Variants in TNFAIP8 observed in about 807,000 individuals in gnomAD.
The protein encoded by TNFAIP8 is tumor necrosis factor alpha-induced protein 8.
A neutral mutation model predicts 13.3 loss-of-function variants in TNFAIP8; 7 were observed. The ratio of observed to expected loss-of-function variants is 0.52; its 90% CI spans 0.30 to 0.99. The LOEUF (loss-of-function observed/expected upper bound fraction) is 0.99, where lower values mean the gene tolerates loss of function less well. Among genes scored for constraint, TNFAIP8 ranks in the 50% least tolerant of loss-of-function variants. TNFAIP8 has a pLI of 0.07. For missense variants in TNFAIP8, 258 were observed against 236.9 expected, an observed-to-expected ratio of 1.09 and a Z score of -0.58; for synonymous variants, 94 against 87.6, an observed-to-expected ratio of 1.07 and a Z score of -0.41.
chr5:119,353,333 G>A (rs1198661675), upstream of TNFAIP8, among the ~76,000 whole-genome samples: 1 of 152,216 alleles, frequency 6.6e-6, no homozygotes, highest in Non-Finnish European at 1.5e-5. Flanking sequence ...ATATCTGAGA[G>A]CAGCAGAAGG....
intron 1 of TNFAIP8, among the ~76,000 whole-genome samples, chr5:119,323,164 G>A (rs1051645428): frequency 3.9e-5 from 6 of 152,112 alleles, no homozygotes; most frequent in East Asian, 1.9e-4. Context: ...AAGGGCAGTT[G>A]CACCCCCTAC....
chr5:119,301,844 C>A (rs1749405065), intron 1 of TNFAIP8, among the ~76,000 whole-genome samples: 1 of 152,166 alleles, frequency 6.6e-6, no homozygotes, highest in Non-Finnish European at 1.5e-5. Context: ...AACCCAGATA[C>A]TGAGGATATT....
chr5:119,322,628 A>T (rs1006111663), intron 1 of TNFAIP8, among the ~76,000 whole-genome samples: 2 of 151,980 alleles, frequency 1.3e-5, no homozygotes, highest in African/African-American at 2.4e-5. Flanking sequence ...TCCATAATCC[A>T]CTTTCCTGAT....
At chr5:119,291,286 A>ATAAC (rs1213701081) in intron 1 of TNFAIP8, among the ~76,000 whole-genome samples, 4 of 152,238 alleles carry the variant, frequency 2.6e-5, no homozygotes, top group Admixed American at 6.5e-5. Context: ...TGGGTGCCCA[A>ATAAC]TAACTACCTG....
chr5:119,350,172 T>A (rs1358606191), intron 1 of TNFAIP8, among the ~76,000 whole-genome samples: 1 of 152,170 alleles, frequency 6.6e-6, no homozygotes, highest in Non-Finnish European at 1.5e-5. Flanking sequence ...GGATTTGGCA[T>A]CTGTGGATTC....
chr5:119,303,678 G>A (rs1749462125), intron 1 of TNFAIP8, among the ~76,000 whole-genome samples: 1 of 152,208 alleles, frequency 6.6e-6, no homozygotes, highest in African/African-American at 2.4e-5. Context: ...GAAGTTTCAT[G>A]CAGTAACCAT....
chr5:119,292,948 C>CT lies in TNFAIP8; in HGVS notation c.1+24049dup, dbSNP rs796893070. ...TGTGGGATGATGAAATGTTCTTCTT[C>CT]TTTTTTTTAAAAAAATAGTATTTAT... On this transcript the variant is annotated intron_variant, in intron 1 of 1. Coordinates refer to the TNFAIP8 transcript ENST00000274456. Among the ~76,000 whole-genome samples the CT allele has an allele frequency of 1.4e-3, 205 of 151,318 alleles. 3 individuals are homozygous for CT. Among genetic ancestry groups the CT allele is most frequent in the Non-Finnish European group, 3.4e-4 (23 of 67,750 alleles).
chr5:119,359,150 T>G (rs552783001), intron 1 of TNFAIP8, among the ~76,000 whole-genome samples: 14 of 152,272 alleles, frequency 9.2e-5, no homozygotes, highest in African/African-American at 2.9e-4. Context: ...TGCCCCGCCT[T>G]CCACCTTGGG....
intron 1 of TNFAIP8, among the ~76,000 whole-genome samples, chr5:119,348,537 C>A (rs978213739): frequency 3.9e-5 from 6 of 152,220 alleles, no homozygotes; most frequent in African/African-American, 9.6e-5. Flanking sequence ...GGATGAATGT[C>A]TGTTGCCGGT....
chr5:119,352,706 A>T (rs953180826), upstream of TNFAIP8, among the ~76,000 whole-genome samples: 1 of 152,058 alleles, frequency 6.6e-6, no homozygotes, highest in Non-Finnish European at 1.5e-5. Context: ...TCAGGCCTTT[A>T]AAAAAAACTC....
In TNFAIP8 at chr5:119,392,838, C is replaced by A; in HGVS notation, c.54C>A (p.Ser18=). The A allele has an allele frequency of 6.5e-7, 1 of 1,545,960 alleles. No individual in the cohort carries two copies. Residue 18 remains serine, a synonymous_variant, in exon 2 of 2, where the codon TCC becomes TCA. Transcript: ENST00000504771. The part of the protein sequence containing the change: ...SKEVATDVFN[S]KNLAVQAQKK... ...TAGTGGCCACAGATGTCTTTAATTC[C>A]AAAAACCTGGCCGTTCAGGCACAAA...
At chr5:119,270,878 A>T (rs543758101) in intron 1 of TNFAIP8, among the ~76,000 whole-genome samples, 10 of 152,360 alleles carry the variant, frequency 6.6e-5, no homozygotes, top group African/African-American at 2.4e-4. Flanking sequence ...CCAAAAGCAT[A>T]GTGATCCTGC....
intron 1 of TNFAIP8, among the ~76,000 whole-genome samples, chr5:119,278,353 GAGAGAGA>G (rs1218694117): frequency 3.4e-5 from 4 of 116,006 alleles, no homozygotes; most frequent in African/African-American, 1.4e-4. Flanking sequence ...CAGGAAGGGG[GAGAGAGA>G]GAGAGAGAGA....
Position 119,397,311 on chromosome 5 carries a change from G to A in TNFAIP8, c.*3930G>A, listed in dbSNP as rs1352365533. 6.6e-6 allele frequency: 1 copy of A among 152,132 alleles called. No individual in the cohort carries two copies. 9.4% of individuals were successfully genotyped at this position (152,132 alleles called of 1,614,324 possible). A position where few individuals can be genotyped will look rare whatever the true frequency, so the allele number is the denominator to read the frequency against. On this transcript the variant is annotated 3_prime_UTR_variant, in exon 2 of 2. Transcript: ENST00000504771. ...AAAACCTGACAAATGGTAAATAAAA[G>A]AATATGTTTATCCAAATGATGAAAT...
chr5:119,298,132 A>C (rs1244836306), intron 1 of TNFAIP8, among the ~76,000 whole-genome samples: 1 of 152,156 alleles, frequency 6.6e-6, no homozygotes, highest in Non-Finnish European at 1.5e-5. Context: ...GTTATATGTG[A>C]ATTTGATCCT....
At chr5:119,286,882 A>G (rs886890380) in intron 1 of TNFAIP8, among the ~76,000 whole-genome samples, 3 of 152,198 alleles carry the variant, frequency 2.0e-5, no homozygotes, top group African/African-American at 4.8e-5. Context: ...CCAGAGGACA[A>G]TATTTGCTCG....
chr5:119,372,148 A>G (rs1300315757), intron 1 of TNFAIP8, among the ~76,000 whole-genome samples: 1 of 151,552 alleles, frequency 6.6e-6, no homozygotes, highest in Non-Finnish European at 1.5e-5. Flanking sequence ...AAAAAAAAAA[A>G]AACCCATCTC....
chr5:119,339,058 A>T (rs998295142), intron 1 of TNFAIP8, among the ~76,000 whole-genome samples: 1 of 152,032 alleles, frequency 6.6e-6, no homozygotes, highest in Non-Finnish European at 1.5e-5. Flanking sequence ...AAAACAAAAA[A>T]AAAAGGCCCC....
chr5:119,269,446 G>A (rs1748206372), intron 1 of TNFAIP8, among the ~76,000 whole-genome samples: 2 of 152,148 alleles, frequency 1.3e-5, no homozygotes, highest in South Asian at 4.1e-4. Context: ...GTGTGTGTGT[G>A]TGTGTATGTG....
Sources: gnomAD v4.1 joint callset for allele counts (sites outside exome capture counted in the v4.1 genomes callset) on GRCh38, gnomAD v4.1.1 for gene constraint, MANE v1.5 for transcripts, NCBI Gene and HGNC (gene_info 2026-07-23, HGNC 2026-07-21) for gene names.